The following RANBP2 variants were observed in gnomAD, a reference collection of about 807,000 sequenced individuals.
The protein encoded by RANBP2 is RAN binding protein 2, also known as E3 SUMO-protein ligase RanBP2.
RANBP2 carries 57 observed loss-of-function variants against 303.6 expected under a neutral mutation model. The observed-to-expected ratio is 0.19, with a 90% confidence interval of 0.15 to 0.23. RANBP2 has a LOEUF of 0.23. Among genes scored for constraint, RANBP2 ranks in the 10% least tolerant of loss-of-function variants. The pLI is 1.00. For missense variants in RANBP2, 3,138 were observed against 3,780.8 expected, an observed-to-expected ratio of 0.83 and a Z score of 4.46; for synonymous variants, 1,167 against 1,301.5, an observed-to-expected ratio of 0.90 and a Z score of 2.23.
chr2:108,892,149 T>C, the RANBP2 span, among the ~76,000 whole-genome samples: 1 of 151,822 alleles, frequency 6.6e-6, no homozygotes, highest in African/African-American at 2.4e-5. Flanking sequence ...CTGGACAGAG[T>C]GTGGCTGTGC....
At chr2:108,896,811 C>A in the RANBP2 span, 1 of 1,252,484 alleles carries the variant, frequency 8.0e-7, no homozygotes, top group Non-Finnish European at 1.1e-6. Context: ...ATCACAAAAG[C>A]CTTGATTCTT....
At chr2:108,975,524 G>A in the RANBP2 span, among the ~76,000 whole-genome samples, 1 of 152,230 alleles carries the variant, frequency 6.6e-6, no homozygotes, top group Admixed American at 6.5e-5. Context: ...CCAGATGGAT[G>A]CCGGAGTGAG....
At chr2:109,470,317 AT>A in the RANBP2 span, among the ~76,000 whole-genome samples, 1 of 152,126 alleles carries the variant, frequency 6.6e-6, no homozygotes, top group Non-Finnish European at 1.5e-5. Flanking sequence ...CCATGCTTGC[AT>A]TTCGGGTAGA....
the RANBP2 span, among the ~76,000 whole-genome samples, chr2:109,311,340 T>C: frequency 7.4e-4 from 79 of 106,414 alleles, no homozygotes; most frequent in Middle Eastern, 3.6e-3. Context: ...ATGGGACGTA[T>C]TTCAAAATAA....
the RANBP2 span, among the ~76,000 whole-genome samples, chr2:108,978,585 T>C: frequency 1.3e-5 from 2 of 152,186 alleles, no homozygotes; most frequent in Admixed American, 6.5e-5. Context: ...TTTTTTTTCT[T>C]GTTTAACAGT....
the RANBP2 span, among the ~76,000 whole-genome samples, chr2:109,186,593 C>T: frequency 2.0e-5 from 3 of 152,316 alleles, no homozygotes; most frequent in East Asian, 5.8e-4. Context: ...CCTCCTGCCC[C>T]CAGTTTATTA....
At chr2:109,297,863 C>G in the RANBP2 span, among the ~76,000 whole-genome samples, 2,578 of 152,218 alleles carry the variant, frequency 0.017, 37 homozygotes, top group Non-Finnish European at 0.026. Flanking sequence ...TTCGCCCCAC[C>G]CAGGCCAATA....
At chr2:109,564,167 G>T in the RANBP2 span, 1 of 430,964 alleles carries the variant, frequency 2.3e-6, no homozygotes, top group Non-Finnish European at 3.9e-6. Context: ...GTCAGACAAG[G>T]ACTTAAAAAG....
the RANBP2 span, among the ~76,000 whole-genome samples, chr2:109,600,318 C>T: frequency 4.0e-3 from 611 of 152,172 alleles, 6 homozygotes; most frequent in African/African-American, 0.014. Flanking sequence ...CTACCCCTGC[C>T]CCTCATCTCC....
the RANBP2 span, among the ~76,000 whole-genome samples, chr2:108,841,515 ATTT>A: frequency 6.6e-6 from 1 of 152,006 alleles, no homozygotes; most frequent in African/African-American, 2.4e-5. Context: ...ATCTCTGAAC[ATTT>A]GCATTGCCTC....
chr2:109,729,596 G>C, the RANBP2 span, among the ~76,000 whole-genome samples: 1 of 152,154 alleles, frequency 6.6e-6, no homozygotes, highest in African/African-American at 2.4e-5. Flanking sequence ...GTTGCAGTGA[G>C]CCGAAATCAC....
At chr2:108,985,416 G>A in the RANBP2 span, among the ~76,000 whole-genome samples, 14 of 152,350 alleles carry the variant, frequency 9.2e-5, no homozygotes, top group Middle Eastern at 3.4e-3. Flanking sequence ...GCATGAGCTC[G>A]CAGGGTGGTG....
the RANBP2 span, among the ~76,000 whole-genome samples, chr2:109,225,501 C>T: frequency 1.3e-5 from 2 of 152,254 alleles, no homozygotes; most frequent in Non-Finnish European, 2.9e-5. Context: ...TGGGCTGACC[C>T]ACCTGGCCCA....
the RANBP2 span, among the ~76,000 whole-genome samples, chr2:109,182,692 T>G: frequency 6.6e-6 from 1 of 152,250 alleles, no homozygotes; most frequent in Non-Finnish European, 1.5e-5. Flanking sequence ...GCTAGGCTGG[T>G]ATTTCCTTGA....
At chr2:109,677,367 G>A in the RANBP2 span, among the ~76,000 whole-genome samples, 2 of 152,142 alleles carry the variant, frequency 1.3e-5, no homozygotes, top group African/African-American at 2.4e-5. Context: ...TCTCAAGGTC[G>A]CCTTTGTGCC....
At chr2:109,664,917 C>T in the RANBP2 span, among the ~76,000 whole-genome samples, 1 of 148,532 alleles carries the variant, frequency 6.7e-6, no homozygotes, top group Non-Finnish European at 1.5e-5. Context: ...GCAACAAGAG[C>T]AAAATTCTGT....
At chr2:108,877,126 A>G in the RANBP2 span, among the ~76,000 whole-genome samples, 3 of 152,222 alleles carry the variant, frequency 2.0e-5, no homozygotes, top group Non-Finnish European at 2.9e-5. Context: ...ACAGAAAGCC[A>G]TAATGAAAGA....
At chr2:108,778,000 C>T (rs1173435914) in intron 25 of RANBP2, among the ~76,000 whole-genome samples, 2 of 151,980 alleles carry the variant, frequency 1.3e-5, no homozygotes, top group Non-Finnish European at 2.9e-5. Context: ...TTAGAAATTA[C>T]CTTCAGATGT....
At chr2:109,592,808 CAG>C in the RANBP2 span, among the ~76,000 whole-genome samples, 72 of 150,306 alleles carry the variant, frequency 4.8e-4, no homozygotes, top group Non-Finnish European at 9.0e-4. Flanking sequence ...AAAAAAGAAA[CAG>C]AAAAAAAAAT....
Sources: gnomAD v4.1 joint callset for allele counts (sites outside exome capture counted in the v4.1 genomes callset) on GRCh38, gnomAD v4.1.1 for gene constraint, MANE v1.5 for transcripts, NCBI Gene and HGNC (gene_info 2026-07-23, HGNC 2026-07-21) for gene names.